LIN7A: variants seen among roughly 807,000 people sequenced by gnomAD.
The protein encoded by LIN7A is lin-7 cell polarity scaffold A, also known as protein lin-7 homolog A.
In LIN7A, 25 loss-of-function variants were observed where a neutral mutation model predicts 29.8. The observed-to-expected ratio is 0.84, with a 90% CI of 0.61 to 1.17. LIN7A has a LOEUF of 1.17. LIN7A is among the 50% of genes most tolerant of loss of function. The probability of loss-of-function intolerance (pLI) is 0.00; values close to 1 mark genes in which losing one functional copy is unlikely to be tolerated. For missense variants in LIN7A, 239 were observed against 287.0 expected, an observed-to-expected ratio of 0.83 and a Z score of 1.21; for synonymous variants, 118 against 107.5, an observed-to-expected ratio of 1.10 and a Z score of -0.60.
chr12:80,822,425 G>A (rs1024459465), intron 4 of LIN7A, among the ~76,000 whole-genome samples: 10 of 152,158 alleles, frequency 6.6e-5, no homozygotes, highest in African/African-American at 1.9e-4. Flanking sequence ...GGGTGTGATG[G>A]CAGGCGCCTG....
chr12:80,900,550 T>C (rs1432597202), intron 1 of LIN7A, among the ~76,000 whole-genome samples: 3 of 152,194 alleles, frequency 2.0e-5, no homozygotes, highest in African/African-American at 7.2e-5. Context: ...CAGGTTAATT[T>C]CCATGTAATT....
intron 2 of LIN7A, among the ~76,000 whole-genome samples, chr12:80,855,862 A>C (rs1176963207): frequency 6.6e-6 from 1 of 152,156 alleles, no homozygotes. Context: ...TCTACTAAGG[A>C]AGAGATGTTT....
chr12:80,836,384 G>T (rs977443793), intron 4 of LIN7A, among the ~76,000 whole-genome samples: 3 of 152,174 alleles, frequency 2.0e-5, no homozygotes, highest in African/African-American at 7.2e-5. Flanking sequence ...CTCCTGGCAT[G>T]GTGGCTCAAC....
At position 80,834,922 on chromosome 12, in the gene LIN7A, G is replaced by A. The variant is rs536396527; in HGVS notation, c.483+10808C>T. On this transcript the variant is annotated intron_variant, in intron 4 of 5. Transcript: ENST00000552864. ...ACCTTGCTTTAGGCTAGTGCCAACAGTCTGTAGACCAGCATAAATAAGTTA... is the reference window on the plus strand; with the variant it reads ...ACCTTGCTTTAGGCTAGTGCCAACAATCTGTAGACCAGCATAAATAAGTTA... 3.5e-4 allele frequency among the ~76,000 whole-genome samples: 54 copies of A among 152,310 alleles called. 2 individuals carry two copies. The South Asian group carries it at 0.011, about 32-fold the overall frequency.
chr12:80,899,991 T>C (rs1177458172), intron 1 of LIN7A, among the ~76,000 whole-genome samples: 1 of 151,702 alleles, frequency 6.6e-6, no homozygotes, highest in Non-Finnish European at 1.5e-5. Context: ...ATGGTCTCCA[T>C]CTCCTGACCT....
intron 1 of LIN7A, among the ~76,000 whole-genome samples, chr12:80,895,152 C>T (rs1875820600): frequency 6.6e-6 from 1 of 152,126 alleles, no homozygotes; most frequent in South Asian, 2.1e-4. Context: ...ATAGTATTAC[C>T]AATGTGTTTA....
At chr12:80,803,695 T>C (rs987809173) in intron 5 of LIN7A, among the ~76,000 whole-genome samples, 4 of 152,164 alleles carry the variant, frequency 2.6e-5, no homozygotes, top group East Asian at 1.9e-4. Flanking sequence ...AGTAAGAGCA[T>C]TGAATTCTAC....
rs1351930505 is a variant in LIN7A, at chr12:80,852,097, T to C, written c.202-3775A>G. On this transcript the variant is annotated intron_variant, in intron 2 of 5. Coordinates refer to ENST00000552864, the MANE Select transcript of LIN7A (RefSeq NM_004664.4). ...AAAAATAATGGTTGTTTTTAATTAATGTTTGAAACAAAATTTTCACTATAG... is the reference window on the plus strand; with the variant it reads ...AAAAATAATGGTTGTTTTTAATTAACGTTTGAAACAAAATTTTCACTATAG... Among the ~76,000 whole-genome samples the C allele has an allele frequency of 2.6e-5, 4 of 152,180 alleles. No homozygotes were observed. The East Asian group carries it at 7.7e-4, about 29-fold the overall frequency.
chr12:80,878,417 T>C (rs557516969), intron 2 of LIN7A, among the ~76,000 whole-genome samples: 3 of 152,170 alleles, frequency 2.0e-5, no homozygotes, highest in Admixed American at 6.5e-5. Flanking sequence ...TCTCAGAAAA[T>C]TGAATAAAAC....
chr12:80,925,386 C>A (rs984707684), intron 1 of LIN7A, among the ~76,000 whole-genome samples: 1 of 152,210 alleles, frequency 6.6e-6, no homozygotes, highest in Admixed American at 6.5e-5. Flanking sequence ...CCAAAATAAA[C>A]TGAGCCCTTG....
chr12:80,878,596 G>A (rs898579187), intron 2 of LIN7A, among the ~76,000 whole-genome samples: 2 of 152,198 alleles, frequency 1.3e-5, no homozygotes, highest in Non-Finnish European at 2.9e-5. Flanking sequence ...TACTTCCACA[G>A]TACGGAAAGA....
At chr12:80,922,292 A>G (rs1426072389) in intron 1 of LIN7A, among the ~76,000 whole-genome samples, 1 of 152,214 alleles carries the variant, frequency 6.6e-6, no homozygotes, top group Non-Finnish European at 1.5e-5. Flanking sequence ...GTCTTTTAGG[A>G]CATTCACAAG....
At position 80,845,745 on chromosome 12, in the gene LIN7A, T is replaced by C. The variant is rs369120651; in HGVS notation, c.468A>G (p.Leu156=). The C allele has an allele frequency of 6.8e-6, 11 of 1,613,212 alleles. No homozygotes were observed. Among genetic ancestry groups the C allele is most frequent in the East Asian group, 6.7e-5 (3 of 44,850 alleles). Residue 156 remains leucine (L), a synonymous_variant, in exon 4 of 6, where the codon CTA becomes CTG. Transcript: ENST00000552864. ...HGGLKRGDQL[L]SVNGVSVEGE... is the part of the protein sequence containing the mutation. ...ATAAACATACCACTCCGTTCACTGATAGCAGCTGGTCTCCTCTTTTGAGGC... is the reference window on the plus strand; with the variant it reads ...ATAAACATACCACTCCGTTCACTGACAGCAGCTGGTCTCCTCTTTTGAGGC...
intron 4 of LIN7A, among the ~76,000 whole-genome samples, chr12:80,811,976 A>T (rs1257776370): frequency 2.0e-5 from 3 of 152,228 alleles, no homozygotes; most frequent in Non-Finnish European, 4.4e-5. Flanking sequence ...TCCAAATTTT[A>T]TCTGGAAGAG....
chr12:80,797,359 T>A lies in LIN7A; in HGVS notation c.*368A>T, dbSNP rs559932370. ...TAGCCTAATGAGGGGTTTGCTAATA[T>A]CTGGAAAAGCTATGGACCCAAGATT... On this transcript the variant is annotated 3_prime_UTR_variant, in exon 6 of 6. Transcript: ENST00000552864. 1 of 152,730 alleles carries A rather than the reference T, an allele frequency of 6.5e-6. No individual in the cohort carries two copies. The highest frequency in any genetic ancestry group is 1.9e-4 in the East Asian group (1 of 5,182). 9.5% of individuals were successfully genotyped at this position (152,730 alleles called of 1,614,324 possible). A position where few individuals can be genotyped will look rare whatever the true frequency, so the allele number is the denominator to read the frequency against.
chr12:80,914,818 ATC>A (rs1341462075), intron 1 of LIN7A, among the ~76,000 whole-genome samples: 1 of 152,152 alleles, frequency 6.6e-6, no homozygotes, highest in East Asian at 1.9e-4. Flanking sequence ...AGGTAAGAGG[ATC>A]TCTTGAGCCT....
At chr12:80,899,408 T>C (rs936138355) in intron 1 of LIN7A, among the ~76,000 whole-genome samples, 6 of 152,204 alleles carry the variant, frequency 3.9e-5, no homozygotes, top group African/African-American at 1.4e-4. Flanking sequence ...GATTTTTGCA[T>C]TTATGTGTAT....
intron 4 of LIN7A, among the ~76,000 whole-genome samples, chr12:80,843,422 G>T (rs975615961): frequency 6.6e-6 from 1 of 152,158 alleles, no homozygotes; most frequent in African/African-American, 2.4e-5. Flanking sequence ...AATGGACAGA[G>T]ACCTGGGGTT....
At chr12:80,810,286 G>A (rs1255954068) in intron 5 of LIN7A, among the ~76,000 whole-genome samples, 2 of 152,086 alleles carry the variant, frequency 1.3e-5, no homozygotes, top group Non-Finnish European at 2.9e-5. Flanking sequence ...GTATTTGTCT[G>A]CCCATGCTTG....
Sources: gnomAD v4.1 joint callset for allele counts (sites outside exome capture counted in the v4.1 genomes callset) on GRCh38, gnomAD v4.1.1 for gene constraint, MANE v1.5 for transcripts, NCBI Gene and HGNC (gene_info 2026-07-23, HGNC 2026-07-21) for gene names.